KLHDC3: variants seen among roughly 807,000 people sequenced by gnomAD.
KLHDC3 encodes the protein kelch domain containing 3.
A neutral mutation model predicts 44.1 loss-of-function variants in KLHDC3; 5 were observed. That is an observed-to-expected ratio of 0.11 (90% CI 0.06 to 0.24). The LOEUF (loss-of-function observed/expected upper bound fraction) is 0.24. KLHDC3 is among the 10% of genes least tolerant of loss of function. The pLI is 1.00. For missense variants in KLHDC3, 247 were observed against 514.3 expected, an observed-to-expected ratio of 0.48 and a Z score of 5.03; for synonymous variants, 170 against 189.0, an observed-to-expected ratio of 0.90 and a Z score of 0.82.
chr6:43,018,581 G>T lies in KLHDC3; in HGVS notation c.733+25G>T. 7 of 1,613,076 alleles carry T rather than the reference G, an allele frequency of 4.3e-6. No individual in the cohort carries two copies. The highest frequency in any genetic ancestry group is 5.1e-6 in the Non-Finnish European group (6 of 1,179,132). ...TGTGAGTGTTTGTTACTTCCCTGTG[G>T]AGTTCCCTTCCTGCCCTCTTCACAC... On this transcript the variant is annotated intron_variant, in intron 6 of 10. Transcript: ENST00000326974. This position sits in a 1 kb window ranked among gnomAD's most constrained non-coding sequence, Gnocchi z 6.0.
chr6:43,020,451 A>G (rs1254416715), intron 10 of KLHDC3, among the ~76,000 whole-genome samples: 1 of 152,134 alleles, frequency 6.6e-6, no homozygotes, highest in Non-Finnish European at 1.5e-5. Flanking sequence ...CCGGAAATCC[A>G]TATGAGCTTG....
chr6:43,020,828 G>C lies in KLHDC3; in HGVS notation c.*95G>C, dbSNP rs1762675183. 25 of 944,296 alleles carry C rather than the reference G, an allele frequency of 2.6e-5. No individual in the cohort carries two copies. The highest frequency in any genetic ancestry group is 4.0e-5 in the Non-Finnish European group (23 of 575,578). The allele number at this position is 944,296 out of a possible 1,614,324, so 58.5% of individuals were successfully genotyped here. On this transcript the variant is annotated 3_prime_UTR_variant, in exon 11 of 11. Transcript: ENST00000326974. ...ACCTGCTCCTTTGACCCCTGGACTT[G>C]GTATACCTCCATGTGGAGTTGTTGG...
rs1347593860 is a variant in KLHDC3 at position 43,020,707 on chromosome 6, C to T, written c.1123C>T (p.Arg375Cys). The T allele has an allele frequency of 4.3e-6, 7 of 1,613,990 alleles. No homozygotes were observed. Among genetic ancestry groups the T allele is most frequent in the East Asian group, 2.2e-5 (1 of 44,864 alleles). The change falls in exon 11 of 11, where the codon CGC becomes TGC. Residue 375 changes from arginine (R) to cysteine (C), a missense_variant. By Grantham distance (180) the Arg-to-Cys change is radical (BLOSUM62 -3). Coordinates refer to ENST00000326974, the MANE Select transcript of KLHDC3 (RefSeq NM_057161.4). The part of the protein sequence containing the change: ...NAMTTNSNIS[R>C]PIVSSHG ...CATGACCACCAACAGCAATATCAGT[C>T]GCCCCATCGTCTCCTCCCATGGGTA... is the stretch of plus-strand genomic sequence containing the variant.
intron 1 of KLHDC3, chr6:43,014,644 T>A (rs1762516273): frequency 2.2e-6 from 1 of 456,200 alleles, no homozygotes; most frequent in African/African-American, 2.0e-5. Context: ...TCTGGCGTGG[T>A]GGGCTAGGGG....
rs947699593 is a variant in KLHDC3, at chr6:43,017,781, T to C, written c.332-72T>C. 1.3e-6 allele frequency: 2 copies of C among 1,584,456 alleles called. No homozygotes were observed. Among genetic ancestry groups the C allele is most frequent in the Non-Finnish European group, 1.7e-6 (2 of 1,156,004 alleles). On this transcript the variant is annotated intron_variant, in intron 3 of 10. Coordinates refer to ENST00000326974, the MANE Select transcript of KLHDC3 (RefSeq NM_057161.4). The surrounding 1 kb of genome is among the most constrained non-coding windows in gnomAD (Gnocchi z 6.0). ...GGTTTGGGTTGGGGGTCTTGGGGAG[T>C]AGAGTACCCCAGAGCTGAGGAGGGA...
intron 1 of KLHDC3, 36 bp downstream of exon 1, chr6:43,014,384 A>AGG (rs1561857369): frequency 2.2e-6 from 1 of 444,484 alleles, no homozygotes; most frequent in African/African-American, 2.3e-5. Flanking sequence ...AGGGAGAATT[A>AGG]GGGGGCTTAG....
rs1762677053 is a variant in KLHDC3, at chr6:43,020,901, G to T, written c.*168G>T. On this transcript the variant is annotated 3_prime_UTR_variant, in exon 11 of 11. Coordinates refer to ENST00000326974, the MANE Select transcript of KLHDC3 (RefSeq NM_057161.4). ...TGAATTCAGTGGGGAGCTGTAGCGG[G>T]GTGGGGGCTAGGTTCCTCCCCCCTT... 2.9e-6 allele frequency: 2 copies of T among 683,588 alleles called. No individual in the cohort carries two copies. The highest frequency in any genetic ancestry group is 4.3e-5 in the Admixed American group (2 of 46,770). 42.3% of individuals were successfully genotyped at this position (683,588 alleles called of 1,614,324 possible). A position where few individuals can be genotyped will look rare whatever the true frequency, so the allele number is the denominator to read the frequency against.
chr6:43,019,187 T>A, intron 9 of KLHDC3, 22 bp downstream of exon 9: 1 of 1,578,568 alleles, frequency 6.3e-7, no homozygotes, highest in Non-Finnish European at 8.7e-7. Context: ...TATTCCTGAA[T>A]TGCTCCTGCC....
Position 43,019,056 on chromosome 6 carries a change from T to A in KLHDC3, c.930-36T>A, listed in dbSNP as rs1227474820. ...TGAAAAGGGGGTTTCGTGGGTAGTTTTTGTCCTACTTTCATCTCTCTTTTG... is the reference window on the plus strand; with the variant it reads ...TGAAAAGGGGGTTTCGTGGGTAGTTATTGTCCTACTTTCATCTCTCTTTTG... On this transcript the variant is annotated intron_variant, in intron 8 of 10. Coordinates refer to ENST00000326974, the MANE Select transcript of KLHDC3 (RefSeq NM_057161.4). 5 of 1,594,976 alleles carry A rather than the reference T, an allele frequency of 3.1e-6. No individual in the cohort carries two copies. In the South Asian group the frequency reaches 5.5e-5, roughly 18 times the overall value.
rs1326233014 is a variant in KLHDC3 at position 43,017,890 on chromosome 6, A to G, written c.369A>G (p.Thr123=). ...HKWFTPRVSG[T]VPGARDGHSA... is the part of the protein sequence containing the mutation. ...GGTTCACACCCCGAGTGTCAGGGAC[A>G]GTTCCTGGGGCCCGGGATGGACATT... Residue 123 remains threonine, a synonymous_variant, in exon 4 of 11, where the codon ACA becomes ACG. Coordinates refer to ENST00000326974, the MANE Select transcript of KLHDC3 (RefSeq NM_057161.4). The surrounding 1 kb of genome is among the most constrained non-coding windows in gnomAD (Gnocchi z 6.0). 14 of 1,614,010 alleles carry G rather than the reference A, an allele frequency of 8.7e-6. No homozygotes were observed. Among genetic ancestry groups the G allele is most frequent in the Non-Finnish European group, 1.0e-5 (12 of 1,180,024 alleles).
In KLHDC3 at chr6:43,017,279, CG is replaced by C; in HGVS notation, c.92del (p.Gly31ValfsTer14). 6.2e-7 allele frequency: 1 copy of C among 1,614,134 alleles called. No individual in the cohort carries two copies. Among genetic ancestry groups the C allele is most frequent in the Non-Finnish European group, 8.5e-7 (1 of 1,180,010 alleles). On this transcript the variant is annotated frameshift_variant, in exon 2 of 11. Transcript: ENST00000326974. LOFTEE classifies it high-confidence loss of function. The surrounding 1 kb of genome is among the most constrained non-coding windows in gnomAD (Gnocchi z 6.0). ...VAVGHRVYSF[G>X]GYCSGEDYET... The stretch of plus-strand genomic sequence containing the variant: ...CTGTCGGGCATCGGGTATACTCCTT[CG>C]GGGGTTACTGCTCTGGTGAAGACTA...
At position 43,018,286 on chromosome 6, in the gene KLHDC3, G is replaced by C. The variant is rs1762621439; in HGVS notation, c.520-57G>C. ...GCAATGATAGGAAGCTCAGTCAGAG[G>C]AGATCCTCTTCCAGTCTTTGTGCTG... is the stretch of plus-strand genomic sequence containing the variant. On this transcript the variant is annotated intron_variant, in intron 5 of 10. Transcript: ENST00000326974. The surrounding 1 kb of genome is among the most constrained non-coding windows in gnomAD (Gnocchi z 6.0). 1.9e-6 allele frequency: 3 copies of C among 1,585,370 alleles called. No individual in the cohort carries two copies. The highest frequency in any genetic ancestry group is 2.6e-6 in the Non-Finnish European group (3 of 1,154,586).
intron 9 of KLHDC3, 37 bp from the exon 10 acceptor site, chr6:43,019,251 C>G: frequency 6.3e-7 from 1 of 1,578,190 alleles, no homozygotes; most frequent in East Asian, 2.2e-5. Context: ...CTTTCCTCAC[C>G]TTTGACCATC....
Position 43,017,119 on chromosome 6 carries a change from C to T in KLHDC3, c.-59-15C>T. On this transcript the variant is annotated splice_polypyrimidine_tract_variant and intron_variant, in intron 1 of 10. Transcript: ENST00000326974. The surrounding 1 kb of genome is among the most constrained non-coding windows in gnomAD (Gnocchi z 6.0). ...AGCCTCGCCTGAGGATCCCGTGGCCCCAATTTGTGTGCAGATAGCAGAGGC... is the reference window on the plus strand; with the variant it reads ...AGCCTCGCCTGAGGATCCCGTGGCCTCAATTTGTGTGCAGATAGCAGAGGC... 1 of 1,535,190 alleles carries T rather than the reference C, an allele frequency of 6.5e-7. No homozygotes were observed. The highest frequency in any genetic ancestry group is 1.8e-5 in the Admixed American group (1 of 56,586).
At position 43,014,249 on chromosome 6, in the gene KLHDC3, G is replaced by GT; in HGVS notation, c.-156dup. On this transcript the variant is annotated 5_prime_UTR_variant, in exon 1 of 11. Coordinates refer to ENST00000326974, the MANE Select transcript of KLHDC3 (RefSeq NM_057161.4). ...CGCCGGAAGAACCGAGCTTGGCTGT[G>GT]TTTATCTCGTTGGGGACTAAGGCGT... 9.7e-7 allele frequency: 1 copy of GT among 1,027,996 alleles called. No individual in the cohort carries two copies. The highest frequency in any genetic ancestry group is 1.4e-6 in the Non-Finnish European group (1 of 731,314). The allele number at this position is 1,027,996 out of a possible 1,614,324, so 63.7% of individuals were successfully genotyped here. A position where few individuals can be genotyped will look rare whatever the true frequency, so the allele number is the denominator to read the frequency against.
chr6:43,019,289 C>A lies in KLHDC3; in HGVS notation c.1005C>A (p.Ser335Arg). Residue 335 changes from serine (S) to arginine (R), a missense_variant and splice_region_variant, in exon 10 of 11, where the codon AGC becomes AGA. This residue lies in a region of KLHDC3 where 176 missense variants were observed against 413.5 expected (regional missense o/e 0.43). Coordinates refer to ENST00000326974, the MANE Select transcript of KLHDC3 (RefSeq NM_057161.4). ...DHSDLHILDFSPSLKTLCKLA... is the reference protein window; with the variant it reads ...DHSDLHILDFRPSLKTLCKLA... ...CTTTCCACAACTTCTCCCTTAAAGG[C>A]CCTAGTCTGAAGACTCTGTGCAAAC... 5.6e-6 allele frequency: 9 copies of A among 1,612,212 alleles called. No homozygotes were observed. The highest frequency in any genetic ancestry group is 7.6e-6 in the Non-Finnish European group (9 of 1,178,302).
Position 43,018,910 on chromosome 6 carries a change from C to G in KLHDC3, c.868C>G (p.Pro290Ala). The change falls in exon 8 of 11, where the codon CCC (proline) becomes GCC (alanine). Residue 290 changes from proline (P) to alanine (A), a missense_variant. Transcript: ENST00000326974. This position sits in a 1 kb window ranked among gnomAD's most constrained non-coding sequence, Gnocchi z 6.0. ...KIEPKGKGPC[P>A]RRRQCCCIVG... is the part of the protein sequence containing the mutation. ...TGAACCGAAGGGGAAGGGGCCATGT[C>G]CCCGCCGGCGCCAGTGCTGCTGTAT... The G allele has an allele frequency of 4.3e-6, 7 of 1,612,668 alleles. No homozygotes were observed. The highest frequency in any genetic ancestry group is 1.3e-5 in the African/African-American group (1 of 74,914).
chr6:43,017,979 G>T lies in KLHDC3; in HGVS notation c.447+11G>T. ...GGCTACGAGCAGCAGGTAGGTCTGG[G>T]AATAAAATAAGAGGTTTAGGGTGGG... On this transcript the variant is annotated intron_variant, in intron 4 of 10. Transcript: ENST00000326974. This position sits in a 1 kb window ranked among gnomAD's most constrained non-coding sequence, Gnocchi z 6.0. 6.2e-7 allele frequency: 1 copy of T among 1,603,264 alleles called. No individual in the cohort carries two copies. The highest frequency in any genetic ancestry group is 8.5e-7 in the Non-Finnish European group (1 of 1,170,170).
rs764899633 is a variant in KLHDC3, at chr6:43,017,219, G to C, written c.27G>C (p.Glu9Asp). 6.2e-7 allele frequency: 1 copy of C among 1,613,936 alleles called. No individual in the cohort carries two copies. The highest frequency in any genetic ancestry group is 8.5e-7 in the Non-Finnish European group (1 of 1,179,976). MLRWTVHL[E>D]GGPRRVNHAA... is the part of the protein sequence containing the mutation. ...TGTTACGGTGGACAGTGCACCTGGAGGGCGGGCCCCGCAGGGTGAACCATG... is the reference window on the plus strand; with the variant it reads ...TGTTACGGTGGACAGTGCACCTGGACGGCGGGCCCCGCAGGGTGAACCATG... The change falls in exon 2 of 11, where the codon GAG (glutamate) becomes GAC (aspartate). Residue 9 changes from glutamate (E) to aspartate (D), a missense_variant. Physicochemically the swap from Glu to Asp is conservative, Grantham distance 45. Coordinates refer to ENST00000326974, the MANE Select transcript of KLHDC3 (RefSeq NM_057161.4). The surrounding 1 kb of genome is among the most constrained non-coding windows in gnomAD (Gnocchi z 6.0).
Sources: allele counts gnomAD v4.1 joint callset (sites outside exome capture counted in the v4.1 genomes callset), GRCh38; gene constraint gnomAD v4.1.1; regional missense constraint gnomAD v4.1.1; non-coding constraint Gnocchi (gnomAD v3.1); transcripts MANE v1.5; gene names NCBI Gene and HGNC (gene_info 2026-07-23, HGNC 2026-07-21).